PINX1: variants seen among roughly 807,000 people sequenced by gnomAD.
The protein encoded by PINX1 is PIN2/TERF1-interacting telomerase inhibitor 1.
In PINX1, 34 loss-of-function variants were observed where a neutral mutation model predicts 25.4. The ratio of observed to expected loss-of-function variants is 1.34; its 90% CI spans 1.02 to 1.78. The LOEUF (loss-of-function observed/expected upper bound fraction) is 1.78. Ranked by LOEUF, PINX1 falls within the 40% of genes most tolerant of loss-of-function variation. The probability of loss-of-function intolerance (pLI) is 0.00; values close to 1 mark genes in which losing one functional copy is unlikely to be tolerated. For synonymous variants in PINX1, 197 were observed against 147.7 expected, an observed-to-expected ratio of 1.33 and a Z score of -2.42; for missense variants, 592 against 404.9, an observed-to-expected ratio of 1.46 and a Z score of -3.97.
chr8:10,805,582 G>A (rs1417561651), intron 6 of PINX1, among the ~76,000 whole-genome samples: 1 of 142,544 alleles, frequency 7.0e-6, no homozygotes, highest in Non-Finnish European at 1.5e-5. Context: ...CTGAGGGGGT[G>A]ACAGAGCACA....
intron 6 of PINX1, among the ~76,000 whole-genome samples, chr8:10,780,405 G>A (rs760632553): frequency 6.6e-6 from 1 of 152,124 alleles, no homozygotes; most frequent in South Asian, 2.1e-4. Context: ...TACCTAAATT[G>A]TTGAGAGTTT....
chr8:10,802,288 G>A (rs1802288411), intron 6 of PINX1, among the ~76,000 whole-genome samples: 1 of 152,178 alleles, frequency 6.6e-6, no homozygotes, highest in African/African-American at 2.4e-5. Context: ...CAATTGCCAA[G>A]GAGACAAACT....
intron 6 of PINX1, among the ~76,000 whole-genome samples, chr8:10,807,224 A>G (rs1430601380): frequency 8.5e-5 from 13 of 152,092 alleles, no homozygotes; most frequent in African/African-American, 3.1e-4. Context: ...AAAAAATAAC[A>G]ATGAGATAGT....
intron 6 of PINX1, among the ~76,000 whole-genome samples, chr8:10,809,108 C>G (rs1468047282): frequency 6.6e-6 from 1 of 152,200 alleles, no homozygotes; most frequent in East Asian, 1.9e-4. Flanking sequence ...TTTATTTCAG[C>G]TAATGTTTGG....
intron 6 of PINX1, among the ~76,000 whole-genome samples, chr8:10,778,640 T>C (rs1345800346): frequency 6.6e-6 from 1 of 152,212 alleles, no homozygotes; most frequent in Non-Finnish European, 1.5e-5. Context: ...CATATCACCA[T>C]CTGAGACACG....
chr8:10,821,834 A>G (rs1368499104), intron 5 of PINX1: 1 of 152,288 alleles, frequency 6.6e-6, no homozygotes, highest in East Asian at 1.9e-4. Flanking sequence ...GGTCTCTTCT[A>G]TAGCAATTTG....
intron 6 of PINX1, among the ~76,000 whole-genome samples, chr8:10,817,728 C>A (rs1183915110): frequency 1.3e-5 from 2 of 152,102 alleles, no homozygotes; most frequent in East Asian, 3.9e-4. Context: ...CAGCCCCCGC[C>A]CAGGCTTCCT....
intron 6 of PINX1, among the ~76,000 whole-genome samples, chr8:10,770,050 G>C (rs1329343986): frequency 6.6e-6 from 1 of 152,210 alleles, no homozygotes; most frequent in Non-Finnish European, 1.5e-5. Context: ...AGGCTTAAAA[G>C]AGTTTTATAA....
chr8:10,766,545 C>G (rs1197048435), intron 6 of PINX1, among the ~76,000 whole-genome samples: 1 of 152,210 alleles, frequency 6.6e-6, no homozygotes, highest in East Asian at 1.9e-4. Flanking sequence ...CTCCGCGTGT[C>G]TCAGCCTCCT....
chr8:10,795,280 G>A (rs1031725057), intron 6 of PINX1, among the ~76,000 whole-genome samples: 3 of 152,162 alleles, frequency 2.0e-5, no homozygotes, highest in African/African-American at 7.2e-5. Flanking sequence ...ACAAACAGAG[G>A]GCTTGGCTTG....
intron 6 of PINX1, among the ~76,000 whole-genome samples, chr8:10,793,825 C>G (rs1802000284): frequency 6.6e-6 from 1 of 152,136 alleles, no homozygotes; most frequent in South Asian, 2.1e-4. Flanking sequence ...CAAATCATGA[C>G]AACATGAGTC....
intron 1 of PINX1, among the ~76,000 whole-genome samples, chr8:10,839,195 C>A (rs908690308): frequency 6.6e-6 from 1 of 152,222 alleles, no homozygotes; most frequent in African/African-American, 2.4e-5. Context: ...GGCCAACTAA[C>A]AAGGTCAAAA....
At chr8:10,796,371 C>T (rs1586163262) in intron 6 of PINX1, among the ~76,000 whole-genome samples, 1 of 152,072 alleles carries the variant, frequency 6.6e-6, no homozygotes, top group African/African-American at 2.4e-5. Context: ...GTAGAGACAC[C>T]CGCAAGAATC....
intron 6 of PINX1, among the ~76,000 whole-genome samples, chr8:10,813,271 C>T (rs189106873): frequency 2.0e-4 from 30 of 152,212 alleles, no homozygotes; most frequent in Non-Finnish European, 3.5e-4. Flanking sequence ...GGATCCACCT[C>T]CTATAAACCC....
intron 6 of PINX1, among the ~76,000 whole-genome samples, chr8:10,777,323 T>C (rs1801425440): frequency 6.6e-6 from 1 of 152,244 alleles, no homozygotes; most frequent in Non-Finnish European, 1.5e-5. Context: ...CTGGCTCCTC[T>C]AGAAAGCAGA....
At chr8:10,808,934 G>A (rs1159132875) in intron 6 of PINX1, among the ~76,000 whole-genome samples, 1 of 152,210 alleles carries the variant, frequency 6.6e-6, no homozygotes, top group Non-Finnish European at 1.5e-5. Flanking sequence ...ACAAACTGTA[G>A]TTAAAAAATG....
chr8:10,805,834 G>A (rs1223898819), intron 6 of PINX1, among the ~76,000 whole-genome samples: 1 of 118,036 alleles, frequency 8.5e-6, no homozygotes, highest in Non-Finnish European at 1.8e-5. Context: ...CAGAGCACAG[G>A]AAGGGGCCAC....
chr8:10,827,680 GCA>G (rs1798098663), intron 4 of PINX1, among the ~76,000 whole-genome samples: 1 of 151,538 alleles, frequency 6.6e-6, no homozygotes, highest in Admixed American at 6.6e-5. Context: ...GCCGCAGCAG[GCA>G]GATCATGAGG....
chr8:10,821,885 A>C (rs1445099748), intron 5 of PINX1: 3 of 152,244 alleles, frequency 2.0e-5, no homozygotes, highest in Non-Finnish European at 4.4e-5. Context: ...GAGAGGGTAC[A>C]TGCGAGATCA....
Sources: allele counts gnomAD v4.1 joint callset (sites outside exome capture counted in the v4.1 genomes callset), GRCh38; gene constraint gnomAD v4.1.1; transcripts MANE v1.5; gene names NCBI Gene and HGNC (gene_info 2026-07-23, HGNC 2026-07-21).